Variants in CNTNAP5 observed in about 807,000 individuals in gnomAD.
The protein encoded by CNTNAP5 is contactin-associated protein-like 5.
A neutral mutation model predicts 150.2 loss-of-function variants in CNTNAP5; 72 were observed. The ratio of observed to expected loss-of-function variants is 0.48; its 90% confidence interval spans 0.40 to 0.58. The LOEUF is 0.58. Ranked by LOEUF, CNTNAP5 falls within the 20% of genes least tolerant of loss-of-function variation. The pLI, the probability that CNTNAP5 is intolerant of heterozygous loss-of-function variation, is 0.00. For synonymous variants in CNTNAP5, 672 were observed against 619.8 expected, an observed-to-expected ratio of 1.08 and a Z score of -1.25; for missense variants, 1,636 against 1,626.2, an observed-to-expected ratio of 1.01 and a Z score of -0.10.
intron 14 of CNTNAP5, among the ~76,000 whole-genome samples, chr2:124,761,497 C>G (rs1680954851): frequency 6.6e-6 from 1 of 152,088 alleles, no homozygotes; most frequent in Non-Finnish European, 1.5e-5. Context: ...AGATTCTAGC[C>G]TGGCTCTTTG....
At chr2:124,400,389 G>A (rs376669469) in intron 3 of CNTNAP5, among the ~76,000 whole-genome samples, 13 of 152,212 alleles carry the variant, frequency 8.5e-5, no homozygotes, top group African/African-American at 2.6e-4. Context: ...ACTTACTAAA[G>A]CTACTGCCAT....
chr2:124,133,878 C>T (rs1038917306), intron 1 of CNTNAP5, among the ~76,000 whole-genome samples: 2 of 152,138 alleles, frequency 1.3e-5, no homozygotes, highest in Non-Finnish European at 2.9e-5. Context: ...TTGTTTTCTA[C>T]AGTAAATTTT....
chr2:124,867,617 G>C (rs142180140), intron 20 of CNTNAP5, among the ~76,000 whole-genome samples: 8 of 152,110 alleles, frequency 5.3e-5, no homozygotes, highest in African/African-American at 1.2e-4. Flanking sequence ...GCTCACTCTT[G>C]TCTCTTTTGT....
intron 21 of CNTNAP5, among the ~76,000 whole-genome samples, chr2:124,896,522 A>G (rs1678307832): frequency 6.6e-6 from 1 of 150,696 alleles, no homozygotes; most frequent in Non-Finnish European, 1.5e-5. Flanking sequence ...AAAATGCCTT[A>G]GGAATATGGA....
At chr2:124,776,025 T>C (rs1040266986) in intron 17 of CNTNAP5, among the ~76,000 whole-genome samples, 6 of 152,154 alleles carry the variant, frequency 3.9e-5, no homozygotes, top group Non-Finnish European at 8.8e-5. Context: ...ATCTGCAGAA[T>C]GAAAATGAAG....
intron 13 of CNTNAP5, among the ~76,000 whole-genome samples, chr2:124,694,796 A>G (rs1377214279): frequency 3.9e-5 from 6 of 152,190 alleles, no homozygotes; most frequent in Non-Finnish European, 8.8e-5. Flanking sequence ...CCTGGCATTC[A>G]TAGTCAACCT....
At chr2:124,892,877 T>C (rs1460085641) in intron 21 of CNTNAP5, among the ~76,000 whole-genome samples, 1 of 152,094 alleles carries the variant, frequency 6.6e-6, no homozygotes, top group African/African-American at 2.4e-5. Flanking sequence ...ACTTTTAAAA[T>C]ATAAATATGC....
intron 8 of CNTNAP5, among the ~76,000 whole-genome samples, chr2:124,512,119 C>A (rs1451054370): frequency 6.6e-6 from 1 of 151,800 alleles, no homozygotes. Flanking sequence ...GGGTCTTTGG[C>A]TGTGGGACCG....
intron 13 of CNTNAP5, among the ~76,000 whole-genome samples, chr2:124,670,087 T>A (rs1030913809): frequency 1.3e-5 from 2 of 152,042 alleles, no homozygotes; most frequent in African/African-American, 4.8e-5. Flanking sequence ...CTCTCTATAT[T>A]GTGCTGACAC....
At chr2:124,610,415 T>C (rs1677354390) in intron 12 of CNTNAP5, among the ~76,000 whole-genome samples, 1 of 152,198 alleles carries the variant, frequency 6.6e-6, no homozygotes, top group Admixed American at 6.5e-5. Flanking sequence ...GAGAATTAGA[T>C]ACAATCATGT....
intron 11 of CNTNAP5, among the ~76,000 whole-genome samples, chr2:124,568,521 A>G (rs1033071391): frequency 2.6e-5 from 4 of 152,236 alleles, no homozygotes; most frequent in Non-Finnish European, 4.4e-5. Context: ...CACACTTACT[A>G]TTATAACCAG....
intron 21 of CNTNAP5, among the ~76,000 whole-genome samples, chr2:124,895,968 T>G (rs1678296218): frequency 6.6e-6 from 1 of 151,458 alleles, no homozygotes; most frequent in Non-Finnish European, 1.5e-5. Context: ...GGCCATGCCT[T>G]GTAAGGCTTG....
intron 1 of CNTNAP5, among the ~76,000 whole-genome samples, chr2:124,179,558 A>C (rs1185756391): frequency 2.0e-5 from 3 of 152,202 alleles, no homozygotes; most frequent in Non-Finnish European, 4.4e-5. Context: ...AAAAATCACA[A>C]AACAACAAAG....
At chr2:124,446,453 C>A (rs1692818920) in intron 5 of CNTNAP5, among the ~76,000 whole-genome samples, 1 of 152,132 alleles carries the variant, frequency 6.6e-6, no homozygotes, top group Non-Finnish European at 1.5e-5. Context: ...AAAACAAAAT[C>A]CCCATTTTCA....
intron 21 of CNTNAP5, among the ~76,000 whole-genome samples, chr2:124,870,781 G>C (rs1677729699): frequency 6.6e-6 from 1 of 152,088 alleles, no homozygotes; most frequent in African/African-American, 2.4e-5. Flanking sequence ...GCCCCATACT[G>C]TATGCAAATT....
chr2:124,027,353 A>G (rs1558729393), intron 1 of CNTNAP5, among the ~76,000 whole-genome samples: 1 of 152,228 alleles, frequency 6.6e-6, no homozygotes, highest in Non-Finnish European at 1.5e-5. Flanking sequence ...AAGGCGTGGC[A>G]GCAAGCTAGC....
intron 10 of CNTNAP5, among the ~76,000 whole-genome samples, chr2:124,554,422 CT>C (rs5834078): frequency 7.7e-4 from 105 of 137,082 alleles, no homozygotes; most frequent in Middle Eastern, 4.0e-3. Context: ...ATACTTTTTT[CT>C]TTTTTTTTTT....
intron 12 of CNTNAP5, 59 bp downstream of exon 12, chr2:124,609,979 A>G: frequency 1.9e-6 from 3 of 1,546,310 alleles, no homozygotes; most frequent in Non-Finnish European, 2.6e-6. Context: ...AGGAAGCAAA[A>G]ATAAATTCAC....
Position 124,587,752 on chromosome 2 carries a change from A to G in CNTNAP5, c.1757-22049A>G, listed in dbSNP as rs78976607. Among the ~76,000 whole-genome samples, 994 of 152,294 alleles carry G rather than the reference A, an allele frequency of 6.5e-3. 11 individuals carry two copies. The highest frequency in any genetic ancestry group is 0.023 in the African/African-American group (947 of 41,560). ...TCAGCCTCCAAAAATTATTTCTGGA[A>G]AGACCTCAGGTGGTAAGATGATAAA... On this transcript the variant is annotated intron_variant, in intron 11 of 23. Coordinates refer to ENST00000682447, the MANE Select transcript of CNTNAP5 (RefSeq NM_001367498.1).
Sources: gnomAD v4.1 joint callset for allele counts (sites outside exome capture counted in the v4.1 genomes callset) on GRCh38, gnomAD v4.1.1 for gene constraint, MANE v1.5 for transcripts, NCBI Gene and HGNC (gene_info 2026-07-23, HGNC 2026-07-21) for gene names.